The following ARID5B variants were observed in gnomAD, a reference collection of about 807,000 sequenced individuals.
ARID5B encodes the protein AT-rich interactive domain-containing protein 5B.
A neutral mutation model predicts 97.2 loss-of-function variants in ARID5B; 13 were observed. The observed-to-expected ratio is 0.13, with a 90% CI of 0.09 to 0.21. The LOEUF (loss-of-function observed/expected upper bound fraction) is 0.21. Ranked by LOEUF, ARID5B falls within the 10% of genes least tolerant of loss-of-function variation. The probability of loss-of-function intolerance (pLI) is 1.00; values close to 1 mark genes in which losing one functional copy is unlikely to be tolerated. For missense variants in ARID5B, 1,210 were observed against 1,465.3 expected (o/e 0.83, Z 2.84); for synonymous variants, 556 against 570.3 (o/e 0.97, Z 0.36).
intron 3 of ARID5B, among the ~76,000 whole-genome samples, chr10:61,970,564 G>A (rs1337464303): frequency 6.6e-6 from 1 of 152,148 alleles, no homozygotes; most frequent in African/African-American, 2.4e-5. Flanking sequence ...TCCCATTAGC[G>A]AAGGCCCTGT....
intron 2 of ARID5B, among the ~76,000 whole-genome samples, chr10:61,930,759 G>T (rs887769788): frequency 1.8e-5 from 1 of 56,244 alleles, no homozygotes; most frequent in East Asian, 3.8e-4. Flanking sequence ...ATAAGATACA[G>T]GTTCTCTATG....
chr10:62,067,557 C>T (rs1840010160), intron 7 of ARID5B, among the ~76,000 whole-genome samples: 1 of 152,258 alleles, frequency 6.6e-6, no homozygotes, highest in Non-Finnish European at 1.5e-5. Flanking sequence ...ACAGCAGAAA[C>T]AGTGATTCCC....
rs1292176169 is a variant in ARID5B, at chr10:62,090,796, A to G, written c.1399-66A>G. ...GTAAAACTGCTGTGTGGAATATTTTATTTCATAGCAAAACATGTCTGTGTA... is the reference window on the plus strand; with the variant it reads ...GTAAAACTGCTGTGTGGAATATTTTGTTTCATAGCAAAACATGTCTGTGTA... On this transcript the variant is annotated intron_variant, in intron 9 of 9. Transcript: ENST00000279873. The G allele has an allele frequency of 3.3e-6, 5 of 1,506,506 alleles. No individual in the cohort carries two copies. In the Admixed American group the frequency reaches 1.2e-4, roughly 36 times the overall value. 93.3% of individuals were successfully genotyped at this position (1,506,506 alleles called of 1,614,324 possible). A position where few individuals can be genotyped will look rare whatever the true frequency, so the allele number is the denominator to read the frequency against.
intron 8 of ARID5B, among the ~76,000 whole-genome samples, chr10:62,073,115 T>C (rs1444781303): frequency 2.0e-5 from 3 of 152,200 alleles, no homozygotes; most frequent in Non-Finnish European, 4.4e-5. Flanking sequence ...TTGTAAAGCC[T>C]TCCAAACCAA....
At chr10:61,982,618 A>G (rs1316856665) in intron 3 of ARID5B, among the ~76,000 whole-genome samples, 1 of 152,250 alleles carries the variant, frequency 6.6e-6, no homozygotes, top group Admixed American at 6.5e-5. Context: ...CTTATAAAAG[A>G]GCGTCCTAGC....
At chr10:61,902,677 GTGTGTGTGTGTGTGTGTGTGTGTGTA>G (rs1843636902) in intron 2 of ARID5B, among the ~76,000 whole-genome samples, 1 of 125,732 alleles carries the variant, frequency 8.0e-6, no homozygotes, top group African/African-American at 2.7e-5. Flanking sequence ...TCAAGGATGT[GTGTGTGTGTGTGTGTGTGTGTGTGTA>G]TGTGTGTGTG....
At chr10:62,018,250 C>T (rs1295136769) in intron 4 of ARID5B, among the ~76,000 whole-genome samples, 2 of 152,100 alleles carry the variant, frequency 1.3e-5, no homozygotes, top group Non-Finnish European at 2.9e-5. Flanking sequence ...CACCTCCATC[C>T]GAAGGTTGGC....
intron 2 of ARID5B, among the ~76,000 whole-genome samples, chr10:61,930,900 TGTGA>T (rs1000941792): frequency 6.6e-6 from 1 of 152,106 alleles, no homozygotes; most frequent in Admixed American, 6.5e-5. Context: ...TTGCTATTAC[TGTGA>T]GTAATAAACC....
intron 3 of ARID5B, among the ~76,000 whole-genome samples, chr10:61,948,612 C>T (rs1838276477): frequency 6.6e-6 from 1 of 152,078 alleles, no homozygotes; most frequent in Admixed American, 6.6e-5. Flanking sequence ...GTGATCTGCC[C>T]ACCTTGGCCT....
At chr10:62,047,201 C>T (rs1175703315) in intron 4 of ARID5B, among the ~76,000 whole-genome samples, 3 of 152,156 alleles carry the variant, frequency 2.0e-5, no homozygotes, top group Non-Finnish European at 4.4e-5. Context: ...ATCATGCCTT[C>T]CTCTTTGGCT....
intron 2 of ARID5B, among the ~76,000 whole-genome samples, chr10:61,909,318 GTTTT>G (rs777612375): frequency 1.3e-5 from 1 of 77,262 alleles, no homozygotes; most frequent in African/African-American, 5.2e-5. Context: ...TATTCAGTGA[GTTTT>G]TTTTTTTTTT....
chr10:62,091,486 A>G lies in ARID5B; in HGVS notation c.2023A>G (p.Thr675Ala), dbSNP rs1262770252. Residue 675 changes from threonine (T) to alanine (A), a missense_variant, in exon 10 of 10, where the codon ACG (threonine) becomes GCG (alanine). Thr to Ala is a moderately conservative substitution (Grantham distance 58). This residue lies in a region of ARID5B where 800 missense variants were observed against 839.1 expected (regional missense o/e 0.95). Transcript: ENST00000279873. The part of the protein sequence containing the change: ...PMNENHGLNY[T>A]PLLYSRGNPG... Reference sequence around the variant, plus strand: ...GAACGAGAACCATGGACTTAATTACACGCCCCTGCTCTACTCTAGGGGCAA... The same window carrying G: ...GAACGAGAACCATGGACTTAATTACGCGCCCCTGCTCTACTCTAGGGGCAA... 1 of 1,612,680 alleles carries G rather than the reference A, an allele frequency of 6.2e-7. No homozygotes were observed. Among genetic ancestry groups the G allele is most frequent in the South Asian group, 1.1e-5 (1 of 90,854 alleles).
chr10:62,000,452 A>T lies in ARID5B; in HGVS notation c.733+131A>T, dbSNP rs1380761297. 16 of 736,028 alleles carry T rather than the reference A, an allele frequency of 2.2e-5. No individual in the cohort carries two copies. The highest frequency in any genetic ancestry group is 2.7e-5 in the Non-Finnish European group (13 of 483,904). The allele number at this position is 736,028 out of a possible 1,614,324, so 45.6% of individuals were successfully genotyped here. ...CCCCATGTGCTGCCCCACCCCTCCC[A>T]TCCCCCAAATTATTGCGGCATAAGG... On this transcript the variant is annotated intron_variant, in intron 4 of 9. Coordinates refer to ENST00000279873, the MANE Select transcript of ARID5B (RefSeq NM_032199.3). The surrounding 1 kb of genome is among the most constrained non-coding windows in gnomAD (Gnocchi z 4.4).
chr10:61,973,914 T>C (rs1838664941), intron 3 of ARID5B, among the ~76,000 whole-genome samples: 1 of 152,248 alleles, frequency 6.6e-6, no homozygotes, highest in Non-Finnish European at 1.5e-5. Flanking sequence ...TATCCAATTA[T>C]AAAATCGAGT....
At chr10:61,967,886 T>A (rs1838567959) in intron 3 of ARID5B, among the ~76,000 whole-genome samples, 1 of 152,120 alleles carries the variant, frequency 6.6e-6, no homozygotes, top group Admixed American at 6.6e-5. Flanking sequence ...TCATATAACC[T>A]TTTGGTTTGG....
chr10:62,013,813 T>TATATATAC, intron 4 of ARID5B, among the ~76,000 whole-genome samples: 1 of 150,090 alleles, frequency 6.7e-6, no homozygotes, highest in Non-Finnish European at 1.5e-5. Flanking sequence ...TATATATATA[T>TATATATAC]ATACCACATT....
At chr10:61,950,276 G>A (rs1005757994) in intron 3 of ARID5B, among the ~76,000 whole-genome samples, 2 of 152,194 alleles carry the variant, frequency 1.3e-5, no homozygotes, top group African/African-American at 4.8e-5. Context: ...AAAGTGCTTG[G>A]ATTATAGGCG....
At chr10:61,970,386 G>A (rs138454313) in intron 3 of ARID5B, among the ~76,000 whole-genome samples, 124 of 152,338 alleles carry the variant, frequency 8.1e-4, no homozygotes, top group Non-Finnish European at 1.4e-3. Flanking sequence ...TAACACTGGA[G>A]AATTCCAGTT....
chr10:61,982,164 C>T (rs896071198), intron 3 of ARID5B, among the ~76,000 whole-genome samples: 8 of 152,252 alleles, frequency 5.3e-5, no homozygotes, highest in Middle Eastern at 3.4e-3. Context: ...GCATCCTTGC[C>T]GTGTGCTCTG....
Sources: gnomAD v4.1 joint callset for allele counts (sites outside exome capture counted in the v4.1 genomes callset) on GRCh38, gnomAD v4.1.1 for gene constraint, gnomAD v4.1.1 regional missense constraint, Gnocchi (gnomAD v3.1) non-coding constraint, MANE v1.5 for transcripts, NCBI Gene and HGNC (gene_info 2026-07-23, HGNC 2026-07-21) for gene names.